Variants in PCDHGB6 observed in about 807,000 individuals in gnomAD.
The protein encoded by PCDHGB6 is protocadherin gamma subfamily B, 6.
In PCDHGB6, 51 loss-of-function variants were observed where a neutral mutation model predicts 59.1. The ratio of observed to expected loss-of-function variants is 0.86; its 90% CI spans 0.69 to 1.09. PCDHGB6 has a LOEUF of 1.09. Ranked by LOEUF, PCDHGB6 falls within the 50% of genes least tolerant of loss-of-function variation. The pLI is 0.00. For synonymous variants in PCDHGB6, 466 were observed against 495.1 expected (o/e 0.94, Z 0.78); for missense variants, 1,148 against 1,205.1 (o/e 0.95, Z 0.70).
rs372326132 is a variant in PCDHGB6 at position 141,486,185 on chromosome 5, G to A, written c.2419-8622G>A. On this transcript the variant is annotated intron_variant, in intron 1 of 3. Coordinates refer to ENST00000520790, the MANE Select transcript of PCDHGB6 (RefSeq NM_018926.3). The surrounding 1 kb of genome is among the most constrained non-coding windows in gnomAD (Gnocchi z 5.0). ...CATGGAGCAACATTGCAGCCTTCGAGTGGATCTGCTGGACGTAAATGACAA... is the reference window on the plus strand; with the variant it reads ...CATGGAGCAACATTGCAGCCTTCGAATGGATCTGCTGGACGTAAATGACAA... 42 of 1,614,108 alleles carry A rather than the reference G, an allele frequency of 2.6e-5. No homozygotes were observed. The highest frequency in any genetic ancestry group is 3.4e-5 in the Non-Finnish European group (40 of 1,180,048).
At chr5:141,422,032 G>A in intron 1 of PCDHGB6, 1 of 1,611,280 alleles carries the variant, frequency 6.2e-7, no homozygotes, top group Non-Finnish European at 8.5e-7. Context: ...TAATGCAACG[G>A]ATCCAGACGA....
chr5:141,500,365 C>T (rs888624200), intron 2 of PCDHGB6, among the ~76,000 whole-genome samples: 5 of 151,956 alleles, frequency 3.3e-5, no homozygotes, highest in South Asian at 2.1e-4. Flanking sequence ...CCCACTACCA[C>T]GCCCGGCTAA....
intron 1 of PCDHGB6, chr5:141,484,969 G>A: frequency 3.4e-6 from 2 of 584,588 alleles, no homozygotes; most frequent in Admixed American, 3.2e-5. Flanking sequence ...CCCGGGAGCC[G>A]CTGTCTGCCA....
intron 1 of PCDHGB6, among the ~76,000 whole-genome samples, chr5:141,437,556 T>C (rs1427506223): frequency 6.6e-6 from 1 of 152,228 alleles, no homozygotes; most frequent in African/African-American, 2.4e-5. Context: ...CTTTATGACA[T>C]GTAACAGAGT....
At chr5:141,430,950 TC>T (rs1353555538) in intron 1 of PCDHGB6, 1 of 1,609,980 alleles carries the variant, frequency 6.2e-7, no homozygotes, top group East Asian at 2.2e-5. Flanking sequence ...GAGCGCGGAG[TC>T]CGCATCATCC....
chr5:141,422,304 A>C (rs1265775894), intron 1 of PCDHGB6: 2 of 1,548,406 alleles, frequency 1.3e-6, no homozygotes. Context: ...CAATTCTGGA[A>C]AACTCTCCTC....
Position 141,477,545 on chromosome 5 carries a change from C to T in PCDHGB6, c.2419-17262C>T. The T allele has an allele frequency of 6.2e-7, 1 of 1,614,194 alleles. No individual in the cohort carries two copies. Among genetic ancestry groups the T allele is most frequent in the South Asian group, 1.1e-5 (1 of 91,086 alleles). On this transcript the variant is annotated intron_variant, in intron 1 of 3. Coordinates refer to ENST00000520790, the MANE Select transcript of PCDHGB6 (RefSeq NM_018926.3). The surrounding 1 kb of genome is among the most constrained non-coding windows in gnomAD (Gnocchi z 4.9). ...AAACAACCTCCCCGGGGCTCCAATA[C>T]TAAACCTAAGTGTCTGGGACCCCGA...
chr5:141,490,092 C>T lies in PCDHGB6; in HGVS notation c.2419-4715C>T. On this transcript the variant is annotated intron_variant, in intron 1 of 3. Coordinates refer to ENST00000520790, the MANE Select transcript of PCDHGB6 (RefSeq NM_018926.3). This position sits in a 1 kb window ranked among gnomAD's most constrained non-coding sequence, Gnocchi z 5.4. ...AACTAGACTATTCTTTTGGAGACCA[C>T]ACATCTGAGGCAGTGCGGAACCTCT... 6.2e-7 allele frequency: 1 copy of T among 1,614,240 alleles called. No individual in the cohort carries two copies.
At chr5:141,481,607 C>A (rs2099540195) in intron 1 of PCDHGB6, among the ~76,000 whole-genome samples, 1 of 152,158 alleles carries the variant, frequency 6.6e-6, no homozygotes, top group Admixed American at 6.5e-5. Flanking sequence ...CACCTGAGGC[C>A]AGGAGTTCAA....
intron 1 of PCDHGB6, chr5:141,478,713 G>A (rs745990290): frequency 1.9e-6 from 3 of 1,546,642 alleles, no homozygotes; most frequent in African/African-American, 2.7e-5. Context: ...TTGTGAGATG[G>A]TGGCCTGCCA....
At position 141,409,292 on chromosome 5, in the gene PCDHGB6, A is replaced by G; in HGVS notation, c.1090A>G (p.Met364Val). ...GATTTTGGAGAATTCACCTCCAGGA[A>G]TGGTTGTTGCCCTCTTCAAAACACG... ...DQILENSPPG[M>V]VVALFKTRDL... The change falls in exon 1 of 4, where the codon ATG (methionine) becomes GTG (valine). Residue 364 changes from methionine to valine, a missense_variant. This residue lies in a region of PCDHGB6 where 549 missense variants were observed against 527.5 expected (regional missense o/e 1.04). Transcript: ENST00000520790. 6.2e-7 allele frequency: 1 copy of G among 1,614,012 alleles called. No individual in the cohort carries two copies. Among genetic ancestry groups the G allele is most frequent in the Admixed American group, 1.7e-5 (1 of 60,022 alleles).
At chr5:141,449,958 A>AT (rs962794399) in intron 1 of PCDHGB6, among the ~76,000 whole-genome samples, 8 of 148,830 alleles carry the variant, frequency 5.4e-5, no homozygotes, top group African/African-American at 2.0e-4. Context: ...CCTCATAGTA[A>AT]TTTTTTTTAG....
Position 141,409,587 on chromosome 5 carries a change from C to G in PCDHGB6, c.1385C>G (p.Ala462Gly), listed in dbSNP as rs13184186. The G allele has an allele frequency of 6.2e-7, 1 of 1,613,902 alleles. No individual in the cohort carries two copies. The highest frequency in any genetic ancestry group is 8.5e-7 in the Non-Finnish European group (1 of 1,179,898). Residue 462 changes from alanine to glycine, a missense_variant, in exon 1 of 4, where the codon GCC becomes GGC. Physicochemically the swap from Ala to Gly is moderately conservative, Grantham distance 60. Transcript: ENST00000520790. ...FDQTSYVVHV[A>G]ENNPPGASIA... Reference sequence around the variant, plus strand: ...CAGACGTCCTACGTGGTCCACGTGGCCGAGAACAACCCGCCAGGAGCCTCC... The same window carrying G: ...CAGACGTCCTACGTGGTCCACGTGGGCGAGAACAACCCGCCAGGAGCCTCC...
chr5:141,409,119 C>A lies in PCDHGB6; in HGVS notation c.917C>A (p.Ser306Ter). 1 of 1,613,928 alleles carries A rather than the reference C, an allele frequency of 6.2e-7. No homozygotes were observed. The highest frequency in any genetic ancestry group is 8.5e-7 in the Non-Finnish European group (1 of 1,179,878). The change falls in exon 1 of 4, where the codon TCA becomes TAA. Residue 306 changes from serine (S) to a stop codon, truncating the protein, a stop_gained. Transcript: ENST00000520790. LOFTEE classifies it high-confidence loss of function. ...ACAGGTATGATTAAGAATAACCAGT[C>A]ATTTGATTTTGAAGATGTAGAAAGG... ...EKTGMIKNNQ[S>*]FDFEDVERYT...
chr5:141,475,935 C>CCCGT, intron 1 of PCDHGB6: 1 of 669,050 alleles, frequency 1.5e-6, no homozygotes, highest in Middle Eastern at 4.2e-4. Flanking sequence ...CGGGCCCCTG[C>CCCGT]CCGTCCCCTT....
intron 1 of PCDHGB6, chr5:141,427,774 G>T: frequency 1.4e-6 from 2 of 1,420,908 alleles, no homozygotes; most frequent in Non-Finnish European, 2.0e-6. Context: ...TTGGAGCTGC[G>T]GGCACTGTCG....
intron 1 of PCDHGB6, among the ~76,000 whole-genome samples, chr5:141,449,042 A>G (rs1211970675): frequency 6.6e-6 from 1 of 152,186 alleles, no homozygotes; most frequent in Non-Finnish European, 1.5e-5. Context: ...ATTATTAACC[A>G]GTCTCATAAA....
rs1188870363 is a variant in PCDHGB6 at position 141,490,058 on chromosome 5, C to A, written c.2419-4749C>A. 16 of 1,614,230 alleles carry A rather than the reference C, an allele frequency of 9.9e-6. No individual in the cohort carries two copies. In the East Asian group the frequency reaches 3.6e-4, roughly 36 times the overall value. The stretch of plus-strand genomic sequence containing the variant: ...AATGCCACTGATCCAGACGAGGGCA[C>A]CAACGGCCAACTAGACTATTCTTTT... On this transcript the variant is annotated intron_variant, in intron 1 of 3. Coordinates refer to ENST00000520790, the MANE Select transcript of PCDHGB6 (RefSeq NM_018926.3). This position sits in a 1 kb window ranked among gnomAD's most constrained non-coding sequence, Gnocchi z 5.4.
At chr5:141,417,900 G>T (rs563876979) in intron 1 of PCDHGB6, 1 of 1,583,452 alleles carries the variant, frequency 6.3e-7, no homozygotes, top group African/African-American at 1.3e-5. Flanking sequence ...GCCGGCCCGC[G>T]GCAGGTACTA....
Sources: allele counts gnomAD v4.1 joint callset (sites outside exome capture counted in the v4.1 genomes callset), GRCh38; gene constraint gnomAD v4.1.1; regional missense constraint gnomAD v4.1.1; non-coding constraint Gnocchi (gnomAD v3.1); transcripts MANE v1.5; gene names NCBI Gene and HGNC (gene_info 2026-07-23, HGNC 2026-07-21).